The following OXNAD1 variants were observed in gnomAD, a reference collection of about 807,000 sequenced individuals.
OXNAD1 encodes the protein oxidoreductase NAD binding domain containing 1, also known as oxidoreductase NAD-binding domain-containing protein 1.
Under a neutral mutation model 32.9 loss-of-function variants are expected in OXNAD1, and 34 were observed. The observed-to-expected ratio is 1.03, with a 90% CI of 0.79 to 1.38. The LOEUF (loss-of-function observed/expected upper bound fraction) is 1.38. Ranked by LOEUF, OXNAD1 falls within the 40% of genes most tolerant of loss-of-function variation. The pLI is 0.00. For missense variants in OXNAD1, 407 were observed against 379.4 expected, an observed-to-expected ratio of 1.07 and a Z score of -0.60; for synonymous variants, 134 against 135.2, an observed-to-expected ratio of 0.99 and a Z score of 0.06.
At chr3:16,331,475 A>C (rs1012139396) in intron 9 of OXNAD1, among the ~76,000 whole-genome samples, 2 of 152,192 alleles carry the variant, frequency 1.3e-5, no homozygotes, top group African/African-American at 4.8e-5. Context: ...CAAATAATGC[A>C]CTATGACCAT....
downstream of OXNAD1, among the ~76,000 whole-genome samples, chr3:16,340,434 A>G (rs1038047777): frequency 2.0e-5 from 3 of 152,254 alleles, no homozygotes; most frequent in African/African-American, 7.2e-5. Context: ...TAGATCATTC[A>G]GCTACCAGCT....
chr3:16,317,303 T>C lies in OXNAD1; in HGVS notation c.*30+13711T>C. 6.7e-7 allele frequency: 1 copy of C among 1,499,728 alleles called. No individual in the cohort carries two copies. The highest frequency in any genetic ancestry group is 9.1e-7 in the Non-Finnish European group (1 of 1,098,086). The allele number at this position is 1,499,728 out of a possible 1,614,324, so 92.9% of individuals were successfully genotyped here. ...CCAGAGCTTCACCCAAAGCCTTGTT[T>C]GCATTCATACCCACACCATGTCTGA... On this transcript the variant is annotated intron_variant, in intron 9 of 9. Transcript: ENST00000435829. The surrounding 1 kb of genome is among the most constrained non-coding windows in gnomAD (Gnocchi z 4.3).
At chr3:16,310,771 C>G (rs2067914303), downstream of OXNAD1, among the ~76,000 whole-genome samples, 1 of 151,986 alleles carries the variant, frequency 6.6e-6, no homozygotes, top group African/African-American at 2.4e-5. Flanking sequence ...GGGCAAATCA[C>G]CTGAGGTCGG....
chr3:16,281,392 A>G (rs1463642045), intron 4 of OXNAD1, among the ~76,000 whole-genome samples: 8 of 152,220 alleles, frequency 5.3e-5, no homozygotes, highest in African/African-American at 1.4e-4. Context: ...AAATGCTCCA[A>G]AATCCAAAAC....
Position 16,327,859 on chromosome 3 carries a change from G to A in OXNAD1, c.*31-9253G>A, listed in dbSNP as rs924319246. Among the ~76,000 whole-genome samples, 8 of 152,076 alleles carry A rather than the reference G, an allele frequency of 5.3e-5. No homozygotes were observed. Among genetic ancestry groups the A allele is most frequent in the African/African-American group, 1.4e-4 (6 of 41,416 alleles). On this transcript the variant is annotated intron_variant, in intron 9 of 9. Coordinates refer to the OXNAD1 transcript ENST00000435829. This position sits in a 1 kb window ranked among gnomAD's most constrained non-coding sequence, Gnocchi z 4.2. ...TGCACTGGCTTCCACCTCTGCAGGC[G>A]TTCTCACTGCAACAGGCCTCATTTC...
rs1306096321 is a variant in OXNAD1, at chr3:16,303,021, C to T, written c.784+273C>T. On this transcript the variant is annotated intron_variant, in intron 8 of 8. Transcript: ENST00000285083. The surrounding 1 kb of genome is among the most constrained non-coding windows in gnomAD (Gnocchi z 4.8). ...GTGTCCATACAAATAATTTATATTC[C>T]AGATTTGGCTGAATTGATTCCATTT... Among the ~76,000 whole-genome samples the T allele has an allele frequency of 1.3e-5, 2 of 152,170 alleles. No homozygotes were observed. The highest frequency in any genetic ancestry group is 4.8e-5 in the African/African-American group (2 of 41,438).
intron 6 of OXNAD1, among the ~76,000 whole-genome samples, chr3:16,300,971 A>G (rs562256062): frequency 2.6e-5 from 4 of 152,314 alleles, no homozygotes; most frequent in African/African-American, 9.6e-5. Flanking sequence ...CTCTGATGGT[A>G]TTACGGGCAT....
At chr3:16,328,946 C>A (rs147011133) in intron 9 of OXNAD1, among the ~76,000 whole-genome samples, 213 of 152,332 alleles carry the variant, frequency 1.4e-3, no homozygotes, top group African/African-American at 5.0e-3. Context: ...TTCTGCCACA[C>A]TGCAAGGGGA....
rs1416055996 is a variant in OXNAD1 at position 16,294,895 on chromosome 3, G to A, written c.330G>A (p.Gly110=). The change falls in exon 6 of 9, where the codon GGG becomes GGA. Residue 110 remains glycine, a synonymous_variant. Coordinates refer to ENST00000285083, the MANE Select transcript of OXNAD1 (RefSeq NM_138381.5). ...TTCCAGGAGTCTCTGTGGTTGGTGG[G>A]TTTTCAATATGCTCCAGTCCCAGAC... ...FFIPGVSVVG[G]FSICSSPRLL... 1.2e-6 allele frequency: 2 copies of A among 1,612,644 alleles called. No individual in the cohort carries two copies. Among genetic ancestry groups the A allele is most frequent in the African/African-American group, 1.3e-5 (1 of 74,684 alleles).
Position 16,304,905 on chromosome 3 carries a change from G to A in OXNAD1, c.*1343G>A, listed in dbSNP as rs2067437654. ...GACTCTAGCTTCTGCCCAGTTTTGA[G>A]TTTTGTCAAGTTTTAAGCAGAGATC... On this transcript the variant is annotated 3_prime_UTR_variant, in exon 9 of 9. Transcript: ENST00000285083. This position sits in a 1 kb window ranked among gnomAD's most constrained non-coding sequence, Gnocchi z 4.6. The A allele has an allele frequency of 6.6e-6, 1 of 152,226 alleles. No homozygotes were observed. The highest frequency in any genetic ancestry group is 1.5e-5 in the Non-Finnish European group (1 of 68,060). The allele number at this position is 152,226 out of a possible 1,614,324, so 9.4% of individuals were successfully genotyped here. A position where few individuals can be genotyped will look rare whatever the true frequency, so the allele number is the denominator to read the frequency against.
Position 16,301,331 on chromosome 3 carries a change from C to T in OXNAD1, c.433-295C>T, listed in dbSNP as rs2067166088. Among the ~76,000 whole-genome samples, 2 of 152,214 alleles carry T rather than the reference C, an allele frequency of 1.3e-5. No individual in the cohort carries two copies. Among genetic ancestry groups the T allele is most frequent in the African/African-American group, 2.4e-5 (1 of 41,452 alleles). Reference sequence around the variant, plus strand: ...TGCCTTTGAGTCCATTGCCTCTTTCCTCAATCCAGTTCATCGCCTAAGAAG... The same window carrying T: ...TGCCTTTGAGTCCATTGCCTCTTTCTTCAATCCAGTTCATCGCCTAAGAAG... On this transcript the variant is annotated intron_variant, in intron 6 of 8. Coordinates refer to ENST00000285083, the MANE Select transcript of OXNAD1 (RefSeq NM_138381.5). This position sits in a 1 kb window ranked among gnomAD's most constrained non-coding sequence, Gnocchi z 4.1.
rs370820242 is a variant in OXNAD1 at position 16,345,788 on chromosome 3, C to CTGTG, written c.*31-3361_*31-3358dup. ...TGAGCCAAAACCTTATAATAAATCT[C>CTGTG]TGTGTGTGTGTGTGTGTGTGTGTGT... On this transcript the variant is annotated intron_variant, in intron 9 of 9. Transcript: ENST00000606098. The surrounding 1 kb of genome is among the most constrained non-coding windows in gnomAD (Gnocchi z 5.2). Among the ~76,000 whole-genome samples, 2,269 of 127,234 alleles carry CTGTG rather than the reference C, an allele frequency of 0.018. 42 individuals are homozygous for CTGTG. The highest frequency in any genetic ancestry group is 0.1 in the East Asian group (467 of 4,526). 83.5% of individuals were successfully genotyped at this position (127,234 alleles called of 152,430 possible).
Position 16,348,869 on chromosome 3 carries a change from CCTGCCA to C in OXNAD1, c.*31-299_*31-294del, listed in dbSNP as rs1394960738. Among the ~76,000 whole-genome samples, 1 of 152,196 alleles carries C rather than the reference CCTGCCA, an allele frequency of 6.6e-6. No individual in the cohort carries two copies. Among genetic ancestry groups the C allele is most frequent in the Non-Finnish European group, 1.5e-5 (1 of 68,042 alleles). Reference sequence around the variant, plus strand: ...GTCCAATAGCCCATCATCTCTGTGTCCTGCCACTGCCACAATCCACACACATTTCAG... The same window carrying C: ...GTCCAATAGCCCATCATCTCTGTGTCCTGCCACAATCCACACACATTTCAG... On this transcript the variant is annotated intron_variant, in intron 9 of 9. Coordinates refer to the OXNAD1 transcript ENST00000606098. The surrounding 1 kb of genome is among the most constrained non-coding windows in gnomAD (Gnocchi z 6.3).
intron 9 of OXNAD1, among the ~76,000 whole-genome samples, chr3:16,333,419 G>A (rs868625981): frequency 3.3e-5 from 5 of 152,212 alleles, no homozygotes; most frequent in African/African-American, 1.2e-4. Context: ...ATAAATTTTA[G>A]TAAGCAGATG....
At chr3:16,286,473 G>C in intron 5 of OXNAD1, 25 bp downstream of exon 5, 3 of 1,578,312 alleles carry the variant, frequency 1.9e-6, no homozygotes, top group Non-Finnish European at 2.6e-6. Flanking sequence ...TGTGTTCCAT[G>C]TATGTATGTT....
At chr3:16,308,278 G>A (rs1384716728), downstream of OXNAD1, among the ~76,000 whole-genome samples, 2 of 152,112 alleles carry the variant, frequency 1.3e-5, no homozygotes, top group African/African-American at 2.4e-5. This position sits in a 1 kb window ranked among gnomAD's most constrained non-coding sequence, Gnocchi z 4.4. Flanking sequence ...TATAGCAAAT[G>A]GATGACTGGG....
intron 5 of OXNAD1, among the ~76,000 whole-genome samples, chr3:16,294,531 G>C (rs1187219000): frequency 3.3e-5 from 5 of 152,092 alleles, no homozygotes; most frequent in African/African-American, 1.2e-4. Context: ...TTTCTTTGTG[G>C]GAAGTTTTAA....
Position 16,298,998 on chromosome 3 carries a change from C to T in OXNAD1, c.433-2628C>T, listed in dbSNP as rs1006709096. 3.9e-5 allele frequency among the ~76,000 whole-genome samples: 6 copies of T among 152,064 alleles called. No homozygotes were observed. The highest frequency in any genetic ancestry group is 9.7e-5 in the African/African-American group (4 of 41,384). ...CTACCAAATCAGAATACAGACCTAC[C>T]GAAGATTATTTTGTCGTCAAGGATA... On this transcript the variant is annotated intron_variant, in intron 6 of 8. Transcript: ENST00000285083. The surrounding 1 kb of genome is among the most constrained non-coding windows in gnomAD (Gnocchi z 5.1).
At chr3:16,292,723 A>G (rs1173979072) in intron 5 of OXNAD1, among the ~76,000 whole-genome samples, 3 of 152,124 alleles carry the variant, frequency 2.0e-5, no homozygotes, top group Non-Finnish European at 4.4e-5. Flanking sequence ...TAGGGGTCCA[A>G]ATTCATTCTT....
Sources: gnomAD v4.1 joint callset for allele counts (sites outside exome capture counted in the v4.1 genomes callset) on GRCh38, gnomAD v4.1.1 for gene constraint, Gnocchi (gnomAD v3.1) non-coding constraint, MANE v1.5 for transcripts, NCBI Gene and HGNC (gene_info 2026-07-23, HGNC 2026-07-21) for gene names.